Variants in AGBL4 observed in about 807,000 individuals in gnomAD.
AGBL4 encodes the protein cytosolic carboxypeptidase 6.
A neutral mutation model predicts 66.4 loss-of-function variants in AGBL4; 58 were observed. The observed-to-expected ratio is 0.87, with a 90% CI of 0.71 to 1.09. The LOEUF (loss-of-function observed/expected upper bound fraction) is 1.09. Among genes scored for constraint, AGBL4 ranks in the 50% least tolerant of loss-of-function variants. AGBL4 has a pLI of 0.00. For missense variants in AGBL4, 579 were observed against 631.0 expected (o/e 0.92, Z 0.88); for synonymous variants, 234 against 222.9 (o/e 1.05, Z -0.44).
chr1:49,198,934 T>C (rs1031535344), intron 4 of AGBL4, among the ~76,000 whole-genome samples: 1 of 152,206 alleles, frequency 6.6e-6, no homozygotes, highest in Non-Finnish European at 1.5e-5. Context: ...GTGCTTGGTA[T>C]GAATTTGTAA....
At chr1:49,813,447 C>A (rs1253933817) in intron 2 of AGBL4, among the ~76,000 whole-genome samples, 1 of 152,042 alleles carries the variant, frequency 6.6e-6, no homozygotes, top group African/African-American at 2.4e-5. Flanking sequence ...TACTCCAATA[C>A]CCTCTATTCT....
At chr1:48,717,168 C>G (rs926976710) in intron 6 of AGBL4, among the ~76,000 whole-genome samples, 2 of 152,124 alleles carry the variant, frequency 1.3e-5, no homozygotes, top group Non-Finnish European at 2.9e-5. Flanking sequence ...GCCTTTTTTT[C>G]TTCTGGCCTC....
rs371273335 is a variant in AGBL4, at chr1:49,573,482, A to C, written c.282+123831T>G. Among the ~76,000 whole-genome samples, 52 of 152,294 alleles carry C rather than the reference A, an allele frequency of 3.4e-4. 1 individual carries two copies. In the South Asian group the frequency reaches 9.5e-3, roughly 28 times the overall value. On this transcript the variant is annotated intron_variant, in intron 3 of 13. Transcript: ENST00000371839. ...AAGGAGTTTAGTGAGTCTACACATAATACCTTTGACCATATGTGGAGAACC... is the reference window on the plus strand; with the variant it reads ...AAGGAGTTTAGTGAGTCTACACATACTACCTTTGACCATATGTGGAGAACC...
At chr1:48,919,327 T>A (rs1653886806) in intron 5 of AGBL4, among the ~76,000 whole-genome samples, 1 of 152,192 alleles carries the variant, frequency 6.6e-6, no homozygotes, top group Non-Finnish European at 1.5e-5. Flanking sequence ...AAATCACTAA[T>A]CTATTTCAGG....
At chr1:49,562,825 G>C (rs1274287416) in intron 3 of AGBL4, among the ~76,000 whole-genome samples, 1 of 152,204 alleles carries the variant, frequency 6.6e-6, no homozygotes, top group East Asian at 1.9e-4. Flanking sequence ...CTTTAAAGTA[G>C]TTATTTCCAA....
At chr1:49,305,711 A>G (rs1235168674) in intron 3 of AGBL4, among the ~76,000 whole-genome samples, 4 of 142,018 alleles carry the variant, frequency 2.8e-5, no homozygotes, top group African/African-American at 1.0e-4. Flanking sequence ...TTTTTTTTAG[A>G]TGGAGTTTTG....
chr1:49,667,307 A>C (rs1357048407), intron 3 of AGBL4, among the ~76,000 whole-genome samples: 1 of 151,978 alleles, frequency 6.6e-6, no homozygotes, highest in Non-Finnish European at 1.5e-5. Flanking sequence ...AAATTACAAA[A>C]ATTAGCCAGC....
intron 4 of AGBL4, among the ~76,000 whole-genome samples, chr1:49,170,722 T>G (rs1646724057): frequency 6.6e-6 from 1 of 151,542 alleles, no homozygotes; most frequent in South Asian, 2.1e-4. Context: ...CATTTAAAAC[T>G]TATCCTTGGA....
At chr1:49,134,753 A>T (rs1645974994) in intron 4 of AGBL4, among the ~76,000 whole-genome samples, 1 of 152,082 alleles carries the variant, frequency 6.6e-6, no homozygotes, top group South Asian at 2.1e-4. Context: ...TAACGCAATC[A>T]TCACAGGGTC....
chr1:49,078,813 C>T (rs910877016), intron 4 of AGBL4, among the ~76,000 whole-genome samples: 2 of 152,150 alleles, frequency 1.3e-5, no homozygotes, highest in Non-Finnish European at 2.9e-5. Flanking sequence ...GCAATTCAGT[C>T]TATTCTATTC....
chr1:49,323,764 G>A (rs1322547914), intron 3 of AGBL4, among the ~76,000 whole-genome samples: 4 of 144,924 alleles, frequency 2.8e-5, no homozygotes, highest in East Asian at 2.0e-4. Context: ...GCGAGGCCCC[G>A]TTTCAGAAAA....
intron 6 of AGBL4, among the ~76,000 whole-genome samples, chr1:48,835,507 G>A (rs1446821268): frequency 6.6e-6 from 1 of 152,128 alleles, no homozygotes; most frequent in Non-Finnish European, 1.5e-5. Context: ...GTCTGACCAA[G>A]ATTATGGGTT....
intron 1 of AGBL4, among the ~76,000 whole-genome samples, chr1:49,918,080 A>C (rs1403051385): frequency 6.6e-6 from 1 of 152,236 alleles, no homozygotes; most frequent in Non-Finnish European, 1.5e-5. Context: ...GACACATTTA[A>C]AGGAGTGTGT....
intron 1 of AGBL4, among the ~76,000 whole-genome samples, chr1:50,013,458 G>A (rs1472360183): frequency 6.6e-6 from 1 of 152,118 alleles, no homozygotes; most frequent in African/African-American, 2.4e-5. Flanking sequence ...TATGTGTGAT[G>A]CAAATTAAAG....
At chr1:48,856,493 G>A (rs2148814490) in intron 6 of AGBL4, among the ~76,000 whole-genome samples, 1 of 152,244 alleles carries the variant, frequency 6.6e-6, no homozygotes, top group East Asian at 1.9e-4. Flanking sequence ...CCCCTCGGCT[G>A]TTAGACCACT....
At chr1:48,990,488 A>C (rs1264272707) in intron 5 of AGBL4, among the ~76,000 whole-genome samples, 2 of 152,110 alleles carry the variant, frequency 1.3e-5, no homozygotes, top group African/African-American at 2.4e-5. Context: ...GAGGTTCCCC[A>C]ATATTTTCTT....
intron 7 of AGBL4, among the ~76,000 whole-genome samples, chr1:48,657,443 C>G (rs1387526200): frequency 2.0e-5 from 3 of 152,154 alleles, no homozygotes; most frequent in Non-Finnish European, 4.4e-5. Flanking sequence ...GAGCTCCATC[C>G]GGCTGCAGCG....
chr1:49,889,023 T>C (rs1274454815), intron 1 of AGBL4, among the ~76,000 whole-genome samples: 1 of 152,214 alleles, frequency 6.6e-6, no homozygotes, highest in African/African-American at 2.4e-5. Context: ...AATTAAATTG[T>C]TCACAGTTGT....
At chr1:48,901,109 C>A (rs1652038214) in intron 5 of AGBL4, among the ~76,000 whole-genome samples, 1 of 152,068 alleles carries the variant, frequency 6.6e-6, no homozygotes, top group African/African-American at 2.4e-5. Context: ...GGTAAATAAG[C>A]ACATAAGAAA....
Sources: gnomAD v4.1 joint callset for allele counts (sites outside exome capture counted in the v4.1 genomes callset) on GRCh38, gnomAD v4.1.1 for gene constraint, MANE v1.5 for transcripts, NCBI Gene and HGNC (gene_info 2026-07-23, HGNC 2026-07-21) for gene names.